PDE1A: variants seen among roughly 807,000 people sequenced by gnomAD.
The protein encoded by PDE1A is phosphodiesterase 1A.
In PDE1A, 35 loss-of-function variants were observed where a neutral mutation model predicts 61.7. The ratio of observed to expected loss-of-function variants is 0.57; its 90% CI spans 0.43 to 0.75. The LOEUF (loss-of-function observed/expected upper bound fraction) is 0.75, where lower values mean the gene tolerates loss of function less well. Among genes scored for constraint, PDE1A ranks in the 30% least tolerant of loss-of-function variants. The probability of loss-of-function intolerance (pLI) is 0.00; values close to 1 mark genes in which losing one functional copy is unlikely to be tolerated. For missense variants in PDE1A, 597 were observed against 630.6 expected (o/e 0.95, Z 0.57); for synonymous variants, 232 against 213.2 (o/e 1.09, Z -0.77).
chr2:182,339,572 T>TA (rs1203199139), intron 1 of PDE1A, among the ~76,000 whole-genome samples: 1 of 152,218 alleles, frequency 6.6e-6, no homozygotes, highest in Non-Finnish European at 1.5e-5. Flanking sequence ...TTCTTTGTGT[T>TA]AAAATGCTCA....
downstream of PDE1A, among the ~76,000 whole-genome samples, chr2:182,145,592 G>C (rs1690452984): frequency 6.6e-6 from 1 of 152,074 alleles, no homozygotes; most frequent in Non-Finnish European, 1.5e-5. Context: ...AGCCAGGCTT[G>C]GGGGTGGGTG....
At chr2:182,494,110 T>A (rs1050817643) in intron 2 of PDE1A, among the ~76,000 whole-genome samples, 1 of 152,204 alleles carries the variant, frequency 6.6e-6, no homozygotes, top group Non-Finnish European at 1.5e-5. Flanking sequence ...AAAGGAGCAT[T>A]CAAAATCATT....
At position 182,384,702 on chromosome 2, in the gene PDE1A, C is replaced by T. The variant is rs559048294; in HGVS notation, c.53+41876G>A. On this transcript the variant is annotated intron_variant, in intron 1 of 13. Coordinates refer to ENST00000351439, the Ensembl canonical transcript of PDE1A. The stretch of plus-strand genomic sequence containing the variant: ...GCATCAAAAGAGCAAATATTCCAGT[C>T]ACAGGAGTTCAAAAAGGAAAAGTGA... 2.6e-5 allele frequency among the ~76,000 whole-genome samples: 4 copies of T among 151,834 alleles called. No individual in the cohort carries two copies. In the South Asian group the frequency reaches 8.3e-4, roughly 32 times the overall value.
intron 2 of PDE1A, among the ~76,000 whole-genome samples, chr2:182,515,859 T>A (rs746881750): frequency 6.6e-6 from 1 of 151,854 alleles, no homozygotes; most frequent in Non-Finnish European, 1.5e-5. Flanking sequence ...GGAGGTACAG[T>A]GAGTTAATGG....
At chr2:182,265,981 A>G (rs1692607258) in intron 1 of PDE1A, among the ~76,000 whole-genome samples, 1 of 152,158 alleles carries the variant, frequency 6.6e-6, no homozygotes, top group African/African-American at 2.4e-5. Context: ...AAGGGTGAAG[A>G]TACAAAGGCA....
the PDE1A span, among the ~76,000 whole-genome samples, chr2:182,628,048 ATG>A: frequency 3.0e-4 from 27 of 88,596 alleles, no homozygotes; most frequent in African/African-American, 1.1e-3. Context: ...AAAAAAGTGT[ATG>A]TGTGCACACA....
intron 1 of PDE1A, among the ~76,000 whole-genome samples, chr2:182,273,565 A>C (rs955562681): frequency 6.6e-6 from 1 of 152,050 alleles, no homozygotes; most frequent in Non-Finnish European, 1.5e-5. Flanking sequence ...GGTAGACATA[A>C]AGAAGAAAAT....
intron 1 of PDE1A, among the ~76,000 whole-genome samples, chr2:182,284,961 C>A (rs780915590): frequency 1.3e-5 from 2 of 152,118 alleles, no homozygotes; most frequent in Non-Finnish European, 2.9e-5. Context: ...TTGGTAGTTT[C>A]TTGGATAGTT....
At chr2:182,155,629 C>G (rs1691037271) in intron 13 of PDE1A, among the ~76,000 whole-genome samples, 2 of 152,210 alleles carry the variant, frequency 1.3e-5, no homozygotes, top group Admixed American at 1.3e-4. Context: ...GTGGCTCATG[C>G]CTGTAATCCC....
chr2:182,653,130 G>A, the PDE1A span, among the ~76,000 whole-genome samples: 2,129 of 152,276 alleles, frequency 0.014, 30 homozygotes, highest in Middle Eastern at 0.027. Flanking sequence ...CCCTTTTGAA[G>A]TAGTCACAAT....
intron 1 of PDE1A, among the ~76,000 whole-genome samples, chr2:182,290,629 C>T (rs922207291): frequency 6.6e-6 from 1 of 151,968 alleles, no homozygotes; most frequent in Non-Finnish European, 1.5e-5. Context: ...GCTTGTATGC[C>T]TGTCACTGCA....
At chr2:182,339,948 A>G (rs1698076373) in intron 1 of PDE1A, among the ~76,000 whole-genome samples, 1 of 152,178 alleles carries the variant, frequency 6.6e-6, no homozygotes, top group African/African-American at 2.4e-5. Flanking sequence ...TCAATATCCT[A>G]CTTTATTCTA....
intron 2 of PDE1A, among the ~76,000 whole-genome samples, chr2:182,475,441 G>GGT: frequency 6.6e-6 from 1 of 151,996 alleles, no homozygotes; most frequent in African/African-American, 2.4e-5. Flanking sequence ...CTCACTGAGG[G>GGT]GAATAAATTT....
At chr2:182,511,567 G>A (rs1177867324) in intron 2 of PDE1A, among the ~76,000 whole-genome samples, 1 of 152,178 alleles carries the variant, frequency 6.6e-6, no homozygotes, top group Non-Finnish European at 1.5e-5. Flanking sequence ...AGAGCCTGAA[G>A]GGTTTAGTGT....
At chr2:182,237,935 A>G (rs1412315095) in intron 3 of PDE1A, among the ~76,000 whole-genome samples, 1 of 152,174 alleles carries the variant, frequency 6.6e-6, no homozygotes, top group Non-Finnish European at 1.5e-5. Context: ...ACCAGGCTCA[A>G]GTGAATTGGG....
chr2:182,386,722 C>G (rs889272191), intron 1 of PDE1A, among the ~76,000 whole-genome samples: 1 of 151,464 alleles, frequency 6.6e-6, no homozygotes, highest in Non-Finnish European at 1.5e-5. Flanking sequence ...GGAGCGTCTC[C>G]GCCCGGCAGC....
chr2:182,609,466 C>T, the PDE1A span, among the ~76,000 whole-genome samples: 2 of 152,238 alleles, frequency 1.3e-5, no homozygotes, highest in African/African-American at 4.8e-5. Flanking sequence ...GTCCACACTT[C>T]CTTTATGAGT....
intron 2 of PDE1A, among the ~76,000 whole-genome samples, chr2:182,454,961 A>G (rs868859952): frequency 2.8e-3 from 420 of 151,346 alleles, no homozygotes; most frequent in African/African-American, 9.0e-3. Context: ...CCATCAGAGT[A>G]AACAGGCAAC....
At chr2:182,429,023 T>C (rs988340558), upstream of PDE1A, among the ~76,000 whole-genome samples, 2 of 152,102 alleles carry the variant, frequency 1.3e-5, no homozygotes. Context: ...TTGTTAATCA[T>C]AGGAAATCCA....
Sources: gnomAD v4.1 joint callset for allele counts (sites outside exome capture counted in the v4.1 genomes callset) on GRCh38, gnomAD v4.1.1 for gene constraint, MANE v1.5 for transcripts, NCBI Gene and HGNC (gene_info 2026-07-23, HGNC 2026-07-21) for gene names.